SIPA1L3: variants seen among roughly 807,000 people sequenced by gnomAD.
SIPA1L3 encodes the protein signal-induced proliferation-associated 1-like protein 3.
SIPA1L3 carries 59 observed loss-of-function variants against 150.1 expected under a neutral mutation model. The ratio of observed to expected loss-of-function variants is 0.39; its 90% CI spans 0.32 to 0.49. The LOEUF (loss-of-function observed/expected upper bound fraction) is 0.49. Among genes scored for constraint, SIPA1L3 ranks in the 20% least tolerant of loss-of-function variants. The probability of loss-of-function intolerance (pLI) is 0.86; values close to 1 mark genes in which losing one functional copy is unlikely to be tolerated. For missense variants in SIPA1L3, 2,211 were observed against 2,489.5 expected, an observed-to-expected ratio of 0.89 and a Z score of 2.38; for synonymous variants, 1,070 against 1,077.6, an observed-to-expected ratio of 0.99 and a Z score of 0.14.
In SIPA1L3 at chr19:38,193,592, G is replaced by T; in HGVS notation, c.4652G>T (p.Gly1551Val). The T allele has an allele frequency of 6.4e-7, 1 of 1,559,696 alleles. No individual in the cohort carries two copies. The highest frequency in any genetic ancestry group is 1.2e-5 in the South Asian group (1 of 84,558). ...CTGTCGGACGAGAGCCTGTGCAGCG[G>T]GCGCCGGGAGCCCAGCTTCGCCAGC... ...RTLSDESLCS[G>V]RREPSFASPA... The change falls in exon 18 of 22, where the codon GGG (glycine) becomes GTG (valine). Residue 1551 changes from glycine to valine, a missense_variant. Coordinates refer to ENST00000222345, the MANE Select transcript of SIPA1L3 (RefSeq NM_015073.3).
In SIPA1L3 at chr19:38,116,712, G is replaced by C. The variant is rs561471519; in HGVS notation, c.2292-2594G>C. Among the ~76,000 whole-genome samples, 3 of 152,074 alleles carry C rather than the reference G, an allele frequency of 2.0e-5. No homozygotes were observed. The South Asian group carries it at 6.2e-4, about 32-fold the overall frequency. On this transcript the variant is annotated intron_variant, in intron 8 of 21. Coordinates refer to ENST00000222345, the MANE Select transcript of SIPA1L3 (RefSeq NM_015073.3). ...CTACCAAAAATACAAAAATTAGCCAGGCATGGTGGTGCACGCCTGTAATCC... is the reference window on the plus strand; with the variant it reads ...CTACCAAAAATACAAAAATTAGCCACGCATGGTGGTGCACGCCTGTAATCC...
intron 2 of SIPA1L3, among the ~76,000 whole-genome samples, chr19:38,043,313 C>T (rs1381528656): frequency 6.6e-6 from 1 of 152,124 alleles, no homozygotes; most frequent in Non-Finnish European, 1.5e-5. Context: ...GCACTCCAGC[C>T]TGGGCGACAG....
At chr19:38,121,091 C>T (rs905051649) in intron 9 of SIPA1L3, among the ~76,000 whole-genome samples, 11 of 152,162 alleles carry the variant, frequency 7.2e-5, no homozygotes, top group African/African-American at 2.6e-4. Flanking sequence ...CCTATAATCC[C>T]AACACTTTGG....
chr19:37,925,742 C>T (rs913438686), intron 1 of SIPA1L3, among the ~76,000 whole-genome samples: 2 of 151,828 alleles, frequency 1.3e-5, no homozygotes, highest in Admixed American at 6.6e-5. Flanking sequence ...TACAGGCACG[C>T]ACCACCATGC....
intron 1 of SIPA1L3, among the ~76,000 whole-genome samples, chr19:38,019,865 A>T (rs1310947777): frequency 6.6e-6 from 1 of 152,130 alleles, no homozygotes; most frequent in East Asian, 1.9e-4. Flanking sequence ...AGGCAGGAGG[A>T]TTCCCTGAGG....
intron 9 of SIPA1L3, among the ~76,000 whole-genome samples, chr19:38,123,264 G>T (rs4802245): frequency 0.26 from 33,431 of 129,166 alleles, 4,883 homozygotes; most frequent in African/African-American, 0.47. Context: ...TTTTTTTTTT[G>T]TTTTTTTTGT....
intron 1 of SIPA1L3, among the ~76,000 whole-genome samples, chr19:38,011,250 G>T (rs990891799): frequency 2.0e-5 from 3 of 152,104 alleles, no homozygotes; most frequent in Non-Finnish European, 4.4e-5. Flanking sequence ...CGAGGTGGGA[G>T]GATCGCTTGA....
At chr19:38,162,135 G>C (rs1361071434) in intron 13 of SIPA1L3, 118 bp from the exon 14 acceptor site, 1 of 748,898 alleles carries the variant, frequency 1.3e-6, no homozygotes, top group Non-Finnish European at 2.4e-6. Flanking sequence ...TGCACTCCAA[G>C]GTGTAAATTG....
chr19:38,082,103 G>A lies in SIPA1L3; in HGVS notation c.538G>A (p.Asp180Asn). The A allele has an allele frequency of 6.2e-7, 1 of 1,608,490 alleles. No homozygotes were observed. The highest frequency in any genetic ancestry group is 8.5e-7 in the Non-Finnish European group (1 of 1,179,156). ...SSSEITLSEC[D>N]AEDAGEPRGA... ...CAGCGAGATCACCCTCAGCGAGTGT[G>A]ACGCGGAGGACGCGGGGGAGCCGCG... The change falls in exon 3 of 22, where the codon GAC (aspartate) becomes AAC (asparagine). Residue 180 changes from aspartate (D) to asparagine (N), a missense_variant. This residue lies in a region of SIPA1L3 where 587 missense variants were observed against 534.5 expected (regional missense o/e 1.10). Transcript: ENST00000222345.
At chr19:37,930,002 G>A (rs2046538503) in intron 1 of SIPA1L3, among the ~76,000 whole-genome samples, 3 of 150,450 alleles carry the variant, frequency 2.0e-5, no homozygotes, top group African/African-American at 7.4e-5. Flanking sequence ...GGGACCACAG[G>A]TGCATGCCAC....
chr19:38,043,962 A>G (rs1968989468), intron 2 of SIPA1L3, among the ~76,000 whole-genome samples: 1 of 152,182 alleles, frequency 6.6e-6, no homozygotes, highest in Admixed American at 6.5e-5. Flanking sequence ...GAGCCAGGAA[A>G]TTGGGGCAGA....
At chr19:38,168,340 C>G (rs989534119) in intron 15 of SIPA1L3, among the ~76,000 whole-genome samples, 3 of 151,972 alleles carry the variant, frequency 2.0e-5, no homozygotes, top group East Asian at 1.9e-4. Flanking sequence ...TGAGCCAAGA[C>G]TGCACCACTA....
Position 38,101,166 on chromosome 19 carries a change from A to T in SIPA1L3, c.1969A>T (p.Ile657Phe). ...CGCCTTTGAGGAGTTCCTCTCCCTCATCGGCGAGAAGGTCTGCCTGAAGGG... is the reference window on the plus strand; with the variant it reads ...CGCCTTTGAGGAGTTCCTCTCCCTCTTCGGCGAGAAGGTCTGCCTGAAGGG... The part of the protein sequence containing the change: ...GPAFEEFLSL[I>F]GEKVCLKGFT... Residue 657 changes from isoleucine to phenylalanine, a missense_variant, in exon 6 of 22, where the codon ATC (isoleucine) becomes TTC (phenylalanine). By Grantham distance (21) the Ile-to-Phe change is conservative. Transcript: ENST00000222345. 1 of 1,609,546 alleles carries T rather than the reference A, an allele frequency of 6.2e-7. No individual in the cohort carries two copies. The highest frequency in any genetic ancestry group is 8.5e-7 in the Non-Finnish European group (1 of 1,178,312).
intron 5 of SIPA1L3, 105 bp from the exon 6 acceptor site, chr19:38,100,947 G>T (rs962253604): frequency 7.7e-5 from 102 of 1,331,704 alleles, no homozygotes; most frequent in Non-Finnish European, 9.1e-5. Context: ...TTCCCGAGTG[G>T]TCCCAGCAGC....
At chr19:37,980,639 T>C (rs1427022261) in intron 1 of SIPA1L3, among the ~76,000 whole-genome samples, 2 of 151,646 alleles carry the variant, frequency 1.3e-5, no homozygotes, top group African/African-American at 4.9e-5. Flanking sequence ...CGTCGAGGCA[T>C]GAAGGTTCAG....
chr19:38,080,897 G>T (rs956227267), intron 2 of SIPA1L3, among the ~76,000 whole-genome samples: 4 of 151,694 alleles, frequency 2.6e-5, no homozygotes, highest in Non-Finnish European at 5.9e-5. Context: ...TCGAACCTTC[G>T]AGGTGGATGT....
chr19:38,132,007 G>A (rs2145921368), intron 10 of SIPA1L3, among the ~76,000 whole-genome samples: 1 of 152,132 alleles, frequency 6.6e-6, no homozygotes, highest in East Asian at 1.9e-4. Context: ...GGCTGAGGTG[G>A]GAAGATCACT....
chr19:38,128,957 C>T (rs1971244464), intron 9 of SIPA1L3, among the ~76,000 whole-genome samples: 2 of 152,132 alleles, frequency 1.3e-5, no homozygotes, highest in African/African-American at 2.4e-5. Flanking sequence ...AGCGGGCATC[C>T]TGATAGGTAT....
In SIPA1L3 at chr19:38,164,698, C is replaced by T; in HGVS notation, c.4000C>T (p.Pro1334Ser). 6.2e-7 allele frequency: 1 copy of T among 1,614,120 alleles called. No individual in the cohort carries two copies. ...SLAKAPRPAK[P>S]HKPPGSMGLC... Reference sequence around the variant, plus strand: ...GGCCAAGGCTCCACGGCCCGCCAAGCCACACAAGCCCCCTGGAAGTATGGG... The same window carrying T: ...GGCCAAGGCTCCACGGCCCGCCAAGTCACACAAGCCCCCTGGAAGTATGGG... Residue 1334 changes from proline (P) to serine (S), a missense_variant, in exon 15 of 22, where the codon CCA becomes TCA. By Grantham distance (74) the Pro-to-Ser change is moderately conservative. Around this residue, in one of 5 missense-constraint regions of SIPA1L3, gnomAD observed 806 missense variants for 870.1 expected, o/e 0.93. Coordinates refer to ENST00000222345, the MANE Select transcript of SIPA1L3 (RefSeq NM_015073.3). The surrounding 1 kb of genome is among the most constrained non-coding windows in gnomAD (Gnocchi z 4.1).
Sources: gnomAD v4.1 joint callset for allele counts (sites outside exome capture counted in the v4.1 genomes callset) on GRCh38, gnomAD v4.1.1 for gene constraint, gnomAD v4.1.1 regional missense constraint, Gnocchi (gnomAD v3.1) non-coding constraint, MANE v1.5 for transcripts, NCBI Gene and HGNC (gene_info 2026-07-23, HGNC 2026-07-21) for gene names.